The following DACH2 variants were observed in gnomAD, a reference collection of about 807,000 sequenced individuals.
The protein encoded by DACH2 is dachshund family transcription factor 2.
Under a neutral mutation model 35.8 loss-of-function variants are expected in DACH2, and 17 were observed. That is an observed-to-expected ratio of 0.48 (90% CI 0.33 to 0.71). DACH2 has a LOEUF of 0.71. DACH2 is among the 30% of genes least tolerant of loss of function. The pLI, the probability that DACH2 is intolerant of heterozygous loss-of-function variation, is 0.02. For missense variants in DACH2, 469 were observed against 472.7 expected (o/e 0.99, Z 0.07); for synonymous variants, 195 against 177.3 (o/e 1.10, Z -0.79).
At chrX:86,796,310 C>G (rs1602960135) in intron 7 of DACH2, among the ~76,000 whole-genome samples, 1 of 111,186 alleles carries the variant, frequency 9.0e-6, no homozygotes, top group African/African-American at 3.3e-5. Flanking sequence ...CTGATTGGTG[C>G]GTTTACAAAC....
chrX:86,411,334 C>T (rs1487196780), intron 2 of DACH2, among the ~76,000 whole-genome samples: 1 of 109,312 alleles, frequency 9.1e-6, no homozygotes, highest in Admixed American at 1.0e-4. Flanking sequence ...AGCCCACCGA[C>T]TCAAATGTTA....
chrX:86,163,082 C>T (rs903060588), intron 1 of DACH2, among the ~76,000 whole-genome samples: 4 of 110,801 alleles, frequency 3.6e-5, no homozygotes, highest in East Asian at 2.8e-4. Flanking sequence ...TTAAAAAGTA[C>T]AGTTAAGTTC....
intron 7 of DACH2, among the ~76,000 whole-genome samples, chrX:86,791,991 T>C (rs2042191231): frequency 1.8e-5 from 2 of 111,860 alleles, no homozygotes; most frequent in South Asian, 3.7e-4. Context: ...AGATTCTATA[T>C]GTGTGGTCAG....
intron 1 of DACH2, among the ~76,000 whole-genome samples, chrX:86,246,919 G>C (rs1173715166): frequency 1.8e-5 from 2 of 111,551 alleles, no homozygotes; most frequent in Non-Finnish European, 3.8e-5. Context: ...ACTATTTGCT[G>C]TCTTTAAGAG....
At chrX:86,261,251 A>G (rs1255232735) in intron 1 of DACH2, among the ~76,000 whole-genome samples, 1 of 112,206 alleles carries the variant, frequency 8.9e-6, no homozygotes, top group Non-Finnish European at 1.9e-5. Context: ...TAATTTTACT[A>G]GAAAGATTAA....
intron 2 of DACH2, among the ~76,000 whole-genome samples, chrX:86,508,732 C>A (rs1213249852): frequency 9.0e-6 from 1 of 111,159 alleles, no homozygotes; most frequent in Non-Finnish European, 1.9e-5. Flanking sequence ...GAATTTAGGA[C>A]AAAAAGTAAA....
intron 3 of DACH2, among the ~76,000 whole-genome samples, chrX:86,609,370 T>A (rs1315908115): frequency 8.9e-6 from 1 of 112,351 alleles, no homozygotes; most frequent in Non-Finnish European, 1.9e-5. Context: ...TCCTTCTTTG[T>A]GTTATCTTGA....
chrX:86,543,160 G>C (rs770813954), intron 3 of DACH2, among the ~76,000 whole-genome samples: 1 of 111,467 alleles, frequency 9.0e-6, no homozygotes, highest in African/African-American at 3.3e-5. Flanking sequence ...CACAGAGGCA[G>C]GGCTGAAGAG....
intron 1 of DACH2, among the ~76,000 whole-genome samples, chrX:86,261,392 A>T (rs1459388502): frequency 8.9e-6 from 1 of 111,977 alleles, no homozygotes; most frequent in Non-Finnish European, 1.9e-5. Flanking sequence ...GTAGTAAAGC[A>T]AACAGAAAAT....
chrX:86,346,027 A>G (rs1007330882), intron 1 of DACH2, among the ~76,000 whole-genome samples: 1 of 112,127 alleles, frequency 8.9e-6, no homozygotes, highest in African/African-American at 3.2e-5. Flanking sequence ...GCTGATGAAA[A>G]AACCTTGTTT....
At position 86,303,896 on chromosome X, in the gene DACH2, G is replaced by A. The variant is rs192054128; in HGVS notation, c.489-72928G>A. On this transcript the variant is annotated intron_variant, in intron 1 of 11. Coordinates refer to ENST00000373125, the MANE Select transcript of DACH2 (RefSeq NM_053281.3). Reference sequence around the variant, plus strand: ...AATAAAAAACACAATCTGAAAATTCGTATGGAACCACAAAAGACTCAGAAT... The same window carrying A: ...AATAAAAAACACAATCTGAAAATTCATATGGAACCACAAAAGACTCAGAAT... Among the ~76,000 whole-genome samples the A allele has an allele frequency of 4.0e-3, 447 of 110,997 alleles. 5 individuals carry two copies. The highest frequency in any genetic ancestry group is 0.013 in the African/African-American group (410 of 30,553).
At chrX:86,315,250 CG>C (rs2034875976) in intron 1 of DACH2, among the ~76,000 whole-genome samples, 3 of 111,918 alleles carry the variant, frequency 2.7e-5, no homozygotes, top group African/African-American at 9.7e-5. Flanking sequence ...ACAGACTGCA[CG>C]TTTGTTTATA....
rs866467094 is a variant in DACH2, at chrX:86,474,574, A to G, written c.528-39705A>G. Among the ~76,000 whole-genome samples, 9 of 112,147 alleles carry G rather than the reference A, an allele frequency of 8.0e-5. No individual in the cohort carries two copies. In the East Asian group the frequency reaches 1.7e-3, roughly 21 times the overall value. On this transcript the variant is annotated intron_variant, in intron 2 of 11. Transcript: ENST00000373125. ...TAGGGGTCTAGTTTCATTTTTCTGC[A>G]TATGGATATCCAGTTTTTCCAGCAC...
chrX:86,631,265 C>G (rs1415277257), intron 3 of DACH2, among the ~76,000 whole-genome samples: 1 of 112,125 alleles, frequency 8.9e-6, no homozygotes. Flanking sequence ...GAGTAGGATT[C>G]AGAGCCTAGG....
chrX:86,389,875 C>G (rs1174186810), intron 2 of DACH2, among the ~76,000 whole-genome samples: 1 of 112,031 alleles, frequency 8.9e-6, no homozygotes, highest in Non-Finnish European at 1.9e-5. Context: ...TTTTACAAAG[C>G]AAATGATGCT....
Position 86,494,683 on chromosome X carries a change from A to G in DACH2, c.528-19596A>G, listed in dbSNP as rs1399343868. On this transcript the variant is annotated intron_variant, in intron 2 of 11. Coordinates refer to ENST00000373125, the MANE Select transcript of DACH2 (RefSeq NM_053281.3). ...AAACCACTGTGCATAATTCTTTTCC[A>G]TCTCTGAGTCAACAAGTGGTACCTT... Among the ~76,000 whole-genome samples the G allele has an allele frequency of 5.3e-5, 6 of 112,500 alleles. No homozygotes were observed. The East Asian group carries it at 1.7e-3, about 32-fold the overall frequency.
At chrX:86,484,655 A>G (rs921409725) in intron 2 of DACH2, among the ~76,000 whole-genome samples, 2 of 112,015 alleles carry the variant, frequency 1.8e-5, no homozygotes, top group Admixed American at 9.5e-5. Context: ...ACATTTTTGT[A>G]CTCAATGGTC....
intron 3 of DACH2, among the ~76,000 whole-genome samples, chrX:86,646,311 G>T (rs760576633): frequency 8.1e-4 from 89 of 110,008 alleles, no homozygotes; most frequent in Non-Finnish European, 1.4e-3. Flanking sequence ...GCAGGTAGGG[G>T]GTGAGGGTTG....
chrX:86,393,563 T>G (rs1030542322), intron 2 of DACH2, among the ~76,000 whole-genome samples: 4 of 112,301 alleles, frequency 3.6e-5, no homozygotes, highest in Non-Finnish European at 1.9e-5. Context: ...AGAACTCCCA[T>G]GGCTTGGTCA....
Sources: allele counts gnomAD v4.1 joint callset (sites outside exome capture counted in the v4.1 genomes callset), GRCh38; gene constraint gnomAD v4.1.1; transcripts MANE v1.5; gene names NCBI Gene and HGNC (gene_info 2026-07-23, HGNC 2026-07-21).